NTRK3: variants seen among roughly 807,000 people sequenced by gnomAD.
NTRK3 encodes the protein neurotrophic receptor tyrosine kinase 3, also known as NT-3 growth factor receptor.
In NTRK3, 24 loss-of-function variants were observed where a neutral mutation model predicts 91.7. The observed-to-expected ratio is 0.26, with a 90% CI of 0.19 to 0.37. The LOEUF is 0.37. NTRK3 is among the 10% of genes least tolerant of loss of function. NTRK3 has a pLI of 1.00. For missense variants in NTRK3, 880 were observed against 1,068.9 expected, an observed-to-expected ratio of 0.82 and a Z score of 2.46; for synonymous variants, 483 against 404.0, an observed-to-expected ratio of 1.20 and a Z score of -2.34.
chr15:88,253,116 T>C (rs1172862922), intron 3 of NTRK3: 2 of 152,282 alleles, frequency 1.3e-5, no homozygotes, highest in East Asian at 1.9e-4. Context: ...CAGCATCTTC[T>C]ACCCAGAGTG....
At chr15:88,080,387 C>T (rs547360487) in intron 13 of NTRK3, among the ~76,000 whole-genome samples, 13 of 152,250 alleles carry the variant, frequency 8.5e-5, no homozygotes, top group Non-Finnish European at 1.6e-4. Flanking sequence ...TTATTTTTGC[C>T]AATTTAATGG....
At chr15:87,874,656 T>C (rs1179245772) in exon 19 of NTRK3, 3 of 232,574 alleles carry the variant, frequency 1.3e-5, no homozygotes, top group Non-Finnish European at 2.5e-5. Context: ...GGAGCATTGG[T>C]GCTTCACTTC....
intron 5 of NTRK3, among the ~76,000 whole-genome samples, chr15:88,174,401 C>A (rs908001435): frequency 1.3e-5 from 2 of 152,184 alleles, no homozygotes; most frequent in Non-Finnish European, 2.9e-5. Context: ...TCCCCACCAG[C>A]CCCTCCCATA....
At chr15:87,866,012 C>G (rs535977167) in exon 19 of NTRK3, 2 of 231,420 alleles carry the variant, frequency 8.6e-6, no homozygotes, top group South Asian at 3.6e-4. Flanking sequence ...TGCAACTGCC[C>G]AGAGAGTGGG....
At chr15:87,940,246 C>T (rs1346948207) in intron 15 of NTRK3, among the ~76,000 whole-genome samples, 2 of 152,174 alleles carry the variant, frequency 1.3e-5, no homozygotes, top group African/African-American at 4.8e-5. Flanking sequence ...AGCTCAGCTA[C>T]TGAGAAATGG....
chr15:88,141,797 T>C (rs1408637424), intron 6 of NTRK3, among the ~76,000 whole-genome samples: 3 of 152,234 alleles, frequency 2.0e-5, no homozygotes, highest in East Asian at 3.9e-4. Flanking sequence ...GTGAGATGTT[T>C]GGGATGTGCC....
At chr15:88,053,677 C>T (rs2045432132) in intron 13 of NTRK3, among the ~76,000 whole-genome samples, 1 of 152,208 alleles carries the variant, frequency 6.6e-6, no homozygotes, top group Non-Finnish European at 1.5e-5. Flanking sequence ...ATAGCACCTA[C>T]TTGACAAAGA....
At chr15:87,893,768 C>G (rs16940975) in intron 17 of NTRK3, among the ~76,000 whole-genome samples, 8,922 of 152,146 alleles carry the variant, frequency 0.059, 395 homozygotes, top group African/African-American at 0.12. Flanking sequence ...ATACAGGACA[C>G]GAAGTAACCC....
intron 14 of NTRK3, among the ~76,000 whole-genome samples, chr15:88,014,063 A>G (rs1309209754): frequency 6.6e-6 from 1 of 152,196 alleles, no homozygotes; most frequent in Admixed American, 6.5e-5. Flanking sequence ...CCAAAGGAAA[A>G]CAGTGATATC....
intron 6 of NTRK3, among the ~76,000 whole-genome samples, chr15:88,139,570 C>A (rs2042188524): frequency 6.6e-6 from 1 of 152,204 alleles, no homozygotes; most frequent in African/African-American, 2.4e-5. Flanking sequence ...GTATCATCCT[C>A]TTAGCCTAAA....
At chr15:88,179,185 A>C (rs1283158247) in intron 5 of NTRK3, among the ~76,000 whole-genome samples, 2 of 152,198 alleles carry the variant, frequency 1.3e-5, no homozygotes, top group African/African-American at 4.8e-5. Context: ...TCTCAACCAG[A>C]TTAGCCTTTC....
chr15:88,122,021 C>T (rs990771716), intron 13 of NTRK3, among the ~76,000 whole-genome samples: 1 of 152,102 alleles, frequency 6.6e-6, no homozygotes, highest in Non-Finnish European at 1.5e-5. Context: ...ATATTCATCT[C>T]CCATAAAATG....
Position 88,148,373 on chromosome 15 carries a change from A to G in NTRK3, c.396-970T>C, listed in dbSNP as rs182391385. ...AGTTCCCTCTGGAATCTTATATTCA[A>G]GTTACAGATGAATAAGCAGAAGGAA... On this transcript the variant is annotated intron_variant, in intron 5 of 18. Transcript: ENST00000394480. Among the ~76,000 whole-genome samples the G allele has an allele frequency of 7.2e-5, 11 of 152,332 alleles. No individual in the cohort carries two copies. The East Asian group carries it at 1.4e-3, about 19-fold the overall frequency.
At chr15:88,004,541 TTGCC>T (rs1244660758) in intron 14 of NTRK3, among the ~76,000 whole-genome samples, 1 of 151,988 alleles carries the variant, frequency 6.6e-6, no homozygotes, top group Admixed American at 6.5e-5. Flanking sequence ...TACCAACATG[TTGCC>T]AAGCATCATC....
intron 3 of NTRK3, among the ~76,000 whole-genome samples, chr15:88,219,953 C>T (rs1269074639): frequency 6.6e-6 from 1 of 152,168 alleles, no homozygotes; most frequent in Non-Finnish European, 1.5e-5. Flanking sequence ...GAAATGCCCG[C>T]ACCCCCTCCT....
intron 13 of NTRK3, among the ~76,000 whole-genome samples, chr15:88,033,389 C>T (rs1433809339): frequency 6.6e-6 from 1 of 151,152 alleles, no homozygotes; most frequent in Non-Finnish European, 1.5e-5. Context: ...TGGCTCACTG[C>T]AACCTCTACC....
chr15:88,012,116 G>A (rs1218952815), intron 14 of NTRK3, among the ~76,000 whole-genome samples: 1 of 152,146 alleles, frequency 6.6e-6, no homozygotes, highest in African/African-American at 2.4e-5. Context: ...CAGCATGAAG[G>A]AGAGAGCATG....
intron 14 of NTRK3, among the ~76,000 whole-genome samples, chr15:88,009,844 T>C (rs762772128): frequency 5.3e-5 from 8 of 152,184 alleles, no homozygotes; most frequent in Non-Finnish European, 1.0e-4. Context: ...TCTGCTCCTG[T>C]TCTCAGAATC....
chr15:88,166,504 C>G (rs943017652), intron 5 of NTRK3, among the ~76,000 whole-genome samples: 1 of 152,182 alleles, frequency 6.6e-6, no homozygotes. Flanking sequence ...GGGAGCTGTT[C>G]ATAGTTCACT....
Sources: gnomAD v4.1 joint callset for allele counts (sites outside exome capture counted in the v4.1 genomes callset) on GRCh38, gnomAD v4.1.1 for gene constraint, MANE v1.5 for transcripts, NCBI Gene and HGNC (gene_info 2026-07-23, HGNC 2026-07-21) for gene names.